PIGU: variants seen among roughly 807,000 people sequenced by gnomAD.
PIGU encodes phosphatidylinositol glycan anchor biosynthesis class U.
A neutral mutation model predicts 49.9 loss-of-function variants in PIGU; 24 were observed. The observed-to-expected ratio is 0.48, with a 90% CI of 0.35 to 0.68. PIGU has a LOEUF of 0.68. PIGU is among the 30% of genes least tolerant of loss of function. The pLI, the probability that PIGU is intolerant of heterozygous loss-of-function variation, is 0.01. For synonymous variants in PIGU, 220 were observed against 205.7 expected, an observed-to-expected ratio of 1.07 and a Z score of -0.59; for missense variants, 490 against 532.6, an observed-to-expected ratio of 0.92 and a Z score of 0.79.
intron 1 of PIGU, among the ~76,000 whole-genome samples, chr20:34,658,682 G>A (rs1214828584): frequency 6.7e-6 from 1 of 149,840 alleles, no homozygotes; most frequent in African/African-American, 2.5e-5. Context: ...CTGCCCAGCC[G>A]CCCCGTCTGA....
rs114961876 is a variant in PIGU, at chr20:34,571,805, C to T, written c.1194+3299G>A. ...TGCACTCTGAGGCTCCCAACAGGTC[C>T]AAAGGCAAGGGTGGCATAACTTTCA... On this transcript the variant is annotated intron_variant, in intron 11 of 11. Coordinates refer to ENST00000217446, the MANE Select transcript of PIGU (RefSeq NM_080476.5). 2.9e-3 allele frequency among the ~76,000 whole-genome samples: 445 copies of T among 152,274 alleles called. 2 individuals carry two copies. Among genetic ancestry groups the T allele is most frequent in the African/African-American group, 0.01 (423 of 41,552 alleles).
intron 4 of PIGU, among the ~76,000 whole-genome samples, chr20:34,641,499 C>A (rs1986162213): frequency 6.6e-6 from 1 of 152,178 alleles, no homozygotes; most frequent in African/African-American, 2.4e-5. Flanking sequence ...AAAGGACAGA[C>A]TAGACTAACA....
chr20:34,594,626 T>G (rs189699550), intron 7 of PIGU, among the ~76,000 whole-genome samples: 66 of 152,144 alleles, frequency 4.3e-4, no homozygotes, highest in Middle Eastern at 3.4e-3. Context: ...ATACAAAACT[T>G]AACTGGGCGT....
At chr20:34,622,642 T>C (rs1008119042) in intron 6 of PIGU, among the ~76,000 whole-genome samples, 5 of 152,174 alleles carry the variant, frequency 3.3e-5, no homozygotes, top group African/African-American at 1.2e-4. Context: ...CCAGACAGGA[T>C]ACCTGAAATC....
At chr20:34,639,644 TA>T (rs1287911207) in intron 4 of PIGU, among the ~76,000 whole-genome samples, 2 of 151,464 alleles carry the variant, frequency 1.3e-5, no homozygotes. Flanking sequence ...CTTTCAAAAT[TA>T]AAAAAAAATT....
chr20:34,621,763 G>A (rs544602626), intron 6 of PIGU, among the ~76,000 whole-genome samples: 232 of 152,330 alleles, frequency 1.5e-3, no homozygotes, highest in Middle Eastern at 0.014. Flanking sequence ...TGTGCAATAA[G>A]CAAACATTTC....
At chr20:34,634,476 C>A in intron 6 of PIGU, 139 bp downstream of exon 6, 1 of 1,296,244 alleles carries the variant, frequency 7.7e-7, no homozygotes, top group Non-Finnish European at 9.9e-7. Context: ...TCTAAATAAT[C>A]TTGTATTACT....
Position 34,581,616 on chromosome 20 carries a change from G to A in PIGU, c.983C>T (p.Ser328Phe). ...CGCCACGTCCCCCACTGTCGGGTAG[G>A]ACTTAAAGATGGCGATGACAGCGAT... is the stretch of plus-strand genomic sequence containing the variant. ...IQIAVIAIFK[S>F]YPTVGDVALY... is the part of the protein sequence containing the mutation. The change falls in exon 10 of 12, where the codon TCC becomes TTC. Residue 328 changes from serine (S) to phenylalanine (F), a missense_variant. Ser to Phe is a radical substitution (Grantham distance 155). Transcript: ENST00000217446. The A allele has an allele frequency of 6.2e-7, 1 of 1,614,014 alleles. No individual in the cohort carries two copies. Among genetic ancestry groups the A allele is most frequent in the Non-Finnish European group, 8.5e-7 (1 of 1,179,944 alleles).
rs1027693226 is a variant in PIGU, at chr20:34,581,447, A to C, written c.1051+101T>G. On this transcript the variant is annotated intron_variant, in intron 10 of 11. Coordinates refer to ENST00000217446, the MANE Select transcript of PIGU (RefSeq NM_080476.5). ...CTGCTCCCCTCCTAGTGCTGCCAGC[A>C]TAACAGGTGCCTGGTAAATGCCTAT... 2.0e-6 allele frequency: 3 copies of C among 1,465,788 alleles called. No homozygotes were observed. The East Asian group carries it at 7.3e-5, about 36-fold the overall frequency. 90.8% of individuals were successfully genotyped at this position (1,465,788 alleles called of 1,614,324 possible).
intron 1 of PIGU, among the ~76,000 whole-genome samples, chr20:34,658,966 C>G (rs1986817016): frequency 6.8e-6 from 1 of 147,130 alleles, no homozygotes; most frequent in Non-Finnish European, 1.5e-5. Flanking sequence ...CAGCCCCCCG[C>G]CCAGCCAGCC....
At chr20:34,580,329 T>G (rs1983405719) in intron 10 of PIGU, among the ~76,000 whole-genome samples, 1 of 152,246 alleles carries the variant, frequency 6.6e-6, no homozygotes, top group Non-Finnish European at 1.5e-5. Flanking sequence ...CAGAAGACAC[T>G]GCTTCCTCCT....
At chr20:34,640,646 T>C (rs559443685) in intron 4 of PIGU, among the ~76,000 whole-genome samples, 39 of 152,130 alleles carry the variant, frequency 2.6e-4, no homozygotes, top group Admixed American at 1.3e-3. Context: ...TTTAAAACAA[T>C]GACAGGAGAG....
chr20:34,616,049 A>G lies in PIGU; in HGVS notation c.620T>C (p.Leu207Pro). The G allele has an allele frequency of 6.2e-7, 1 of 1,610,616 alleles. No individual in the cohort carries two copies. Among genetic ancestry groups the G allele is most frequent in the Non-Finnish European group, 8.5e-7 (1 of 1,178,682 alleles). Reference sequence around the variant, plus strand: ...TGACCAGCAAGTGCTTACCTGGAGGAGATAGAGGAGTCCTGGGACAAACAA... The same window carrying G: ...TGACCAGCAAGTGCTTACCTGGAGGGGATAGAGGAGTCCTGGGACAAACAA... ...LTLFVPGLLY[L>P]LQRQYIPVKM... The change falls in exon 7 of 12, where the codon CTC becomes CCC. Residue 207 changes from leucine (L) to proline (P), a missense_variant. Transcript: ENST00000217446.
At chr20:34,577,880 T>C (rs1202011248) in intron 10 of PIGU, among the ~76,000 whole-genome samples, 1 of 152,200 alleles carries the variant, frequency 6.6e-6, no homozygotes, top group African/African-American at 2.4e-5. Flanking sequence ...GGATTACAGC[T>C]GCAGCCCCTT....
intron 5 of PIGU, among the ~76,000 whole-genome samples, chr20:34,637,378 A>T (rs146571308): frequency 0.011 from 1,675 of 152,268 alleles, 41 homozygotes; most frequent in African/African-American, 0.039. Context: ...CACTGGGTAC[A>T]CCCTAGAGAA....
At chr20:34,663,681 C>T (rs1273451436) in intron 1 of PIGU, among the ~76,000 whole-genome samples, 2 of 152,098 alleles carry the variant, frequency 1.3e-5, no homozygotes, top group East Asian at 3.9e-4. Context: ...TATACTGCAA[C>T]CAAAAGGAAA....
intron 7 of PIGU, among the ~76,000 whole-genome samples, chr20:34,612,914 C>T (rs1397991903): frequency 2.6e-5 from 4 of 152,108 alleles, no homozygotes; most frequent in Admixed American, 1.3e-4. Flanking sequence ...TAAGCTACCA[C>T]GCCTGGCTCA....
chr20:34,567,244 C>T (rs185819721), intron 11 of PIGU, among the ~76,000 whole-genome samples: 165 of 152,320 alleles, frequency 1.1e-3, no homozygotes, highest in Non-Finnish European at 1.8e-3. Flanking sequence ...AGCACTTTGG[C>T]GTAACCTGGC....
intron 11 of PIGU, among the ~76,000 whole-genome samples, chr20:34,563,366 G>A (rs563338900): frequency 1.3e-5 from 2 of 152,152 alleles, no homozygotes; most frequent in African/African-American, 2.4e-5. Flanking sequence ...TTGGGAGTTC[G>A]AGACCAGCCT....
Sources: gnomAD v4.1 joint callset for allele counts (sites outside exome capture counted in the v4.1 genomes callset) on GRCh38, gnomAD v4.1.1 for gene constraint, MANE v1.5 for transcripts, NCBI Gene and HGNC (gene_info 2026-07-23, HGNC 2026-07-21) for gene names.